Variants in ZFPM2 observed in about 807,000 individuals in gnomAD.
The protein encoded by ZFPM2 is zinc finger protein ZFPM2.
In ZFPM2, 20 loss-of-function variants were observed where a neutral mutation model predicts 98.6. That is an observed-to-expected ratio of 0.20 (90% confidence interval 0.14 to 0.29). The LOEUF (loss-of-function observed/expected upper bound fraction) is 0.29, where lower values mean the gene tolerates loss of function less well. ZFPM2 is among the 10% of genes least tolerant of loss of function. The pLI is 1.00. For missense variants in ZFPM2, 1,310 were observed against 1,388.6 expected (o/e 0.94, Z 0.90); for synonymous variants, 518 against 502.7 (o/e 1.03, Z -0.41).
intron 3 of ZFPM2, among the ~76,000 whole-genome samples, chr8:105,475,120 T>C (rs1812986641): frequency 6.6e-6 from 1 of 152,232 alleles, no homozygotes; most frequent in Non-Finnish European, 1.5e-5. Flanking sequence ...TGGTAACATA[T>C]AACTTAGAGG....
chr8:105,519,876 G>A (rs1814013482), intron 3 of ZFPM2, among the ~76,000 whole-genome samples: 1 of 151,574 alleles, frequency 6.6e-6, no homozygotes, highest in Admixed American at 6.6e-5. Flanking sequence ...TTAACCTATT[G>A]TCTTGCAATT....
chr8:105,503,015 A>G (rs2130478169), intron 3 of ZFPM2, among the ~76,000 whole-genome samples: 1 of 152,330 alleles, frequency 6.6e-6, no homozygotes, highest in Admixed American at 6.5e-5. Flanking sequence ...TTATACCAAA[A>G]GGAGAGAGTC....
intron 3 of ZFPM2, among the ~76,000 whole-genome samples, chr8:105,471,173 T>C (rs1388983119): frequency 6.6e-6 from 1 of 152,182 alleles, no homozygotes; most frequent in East Asian, 1.9e-4. Flanking sequence ...CATCTCTGAA[T>C]TTTCTTGGCA....
chr8:105,501,970 C>A (rs1344136991), intron 3 of ZFPM2, among the ~76,000 whole-genome samples: 8 of 152,024 alleles, frequency 5.3e-5, no homozygotes, highest in Admixed American at 2.6e-4. Context: ...TGATTAATCA[C>A]CATTTATGGA....
chr8:105,659,525 C>A (rs1271823543), intron 5 of ZFPM2, among the ~76,000 whole-genome samples: 2 of 152,138 alleles, frequency 1.3e-5, no homozygotes, highest in Admixed American at 1.3e-4. Context: ...TTGTTTTTAC[C>A]ATAAAAGTGA....
At chr8:105,765,846 CTT>C (rs1452272387) in intron 5 of ZFPM2, among the ~76,000 whole-genome samples, 4 of 151,874 alleles carry the variant, frequency 2.6e-5, no homozygotes, top group African/African-American at 9.7e-5. Flanking sequence ...CAAGTGGCCT[CTT>C]GTTTCTGAAA....
intron 1 of ZFPM2, among the ~76,000 whole-genome samples, chr8:105,321,330 C>T (rs1462081023): frequency 6.6e-6 from 1 of 152,108 alleles, no homozygotes; most frequent in African/African-American, 2.4e-5. Context: ...GCACCATTTT[C>T]TATTACAAAC....
At chr8:105,387,048 C>T (rs1378839454) in intron 1 of ZFPM2, 3 of 152,572 alleles carry the variant, frequency 2.0e-5, no homozygotes, top group Non-Finnish European at 4.4e-5. Flanking sequence ...TTTACAATCC[C>T]TTAGCTAGAC....
At chr8:105,734,634 G>A (rs1263023679) in intron 5 of ZFPM2, among the ~76,000 whole-genome samples, 1 of 151,892 alleles carries the variant, frequency 6.6e-6, no homozygotes, top group East Asian at 1.9e-4. Flanking sequence ...CTCCTATACT[G>A]TGGTTCTAAA....
chr8:105,339,287 G>T (rs1405132734), intron 1 of ZFPM2, among the ~76,000 whole-genome samples: 2 of 151,680 alleles, frequency 1.3e-5, no homozygotes, highest in Non-Finnish European at 2.9e-5. Context: ...TTTTTTGCTA[G>T]GGAGAATTCA....
At chr8:105,606,527 A>G (rs1187646376) in intron 4 of ZFPM2, among the ~76,000 whole-genome samples, 1 of 152,072 alleles carries the variant, frequency 6.6e-6, no homozygotes, top group Admixed American at 6.6e-5. Flanking sequence ...GGAGATATTA[A>G]TAGAACATAT....
At chr8:105,794,418 T>C (rs542487025) in intron 6 of ZFPM2, among the ~76,000 whole-genome samples, 146 of 152,326 alleles carry the variant, frequency 9.6e-4, no homozygotes, top group African/African-American at 3.4e-3. Context: ...TGAATGCTGC[T>C]GTCTCATCGT....
intron 5 of ZFPM2, among the ~76,000 whole-genome samples, chr8:105,692,155 G>C (rs1174388258): frequency 6.6e-6 from 1 of 152,134 alleles, no homozygotes; most frequent in Non-Finnish European, 1.5e-5. Flanking sequence ...TTTGGACCTG[G>C]TTTATAAGGT....
intron 5 of ZFPM2, among the ~76,000 whole-genome samples, chr8:105,667,624 G>T (rs1031239222): frequency 6.6e-6 from 1 of 152,106 alleles, no homozygotes; most frequent in African/African-American, 2.4e-5. Flanking sequence ...CTACACATCT[G>T]TGCAAGGCCA....
chr8:105,782,539 T>A (rs1813280670), intron 5 of ZFPM2: 1 of 152,172 alleles, frequency 6.6e-6, no homozygotes, highest in African/African-American at 2.4e-5. Flanking sequence ...AGTAACAGTT[T>A]TATCAATGAA....
intron 4 of ZFPM2, among the ~76,000 whole-genome samples, chr8:105,618,694 C>T (rs920416853): frequency 7.2e-5 from 11 of 152,136 alleles, no homozygotes; most frequent in African/African-American, 9.6e-5. Flanking sequence ...GACATAAATG[C>T]GTTTATTATA....
chr8:105,456,158 TTG>T (rs796737801), intron 3 of ZFPM2, among the ~76,000 whole-genome samples: 4 of 135,220 alleles, frequency 3.0e-5, no homozygotes, highest in African/African-American at 1.0e-4. Context: ...TTTTTTTTGT[TTG>T]TTTGTTTGTT....
At chr8:105,360,842 A>G (rs1393754033) in intron 1 of ZFPM2, among the ~76,000 whole-genome samples, 1 of 135,574 alleles carries the variant, frequency 7.4e-6, no homozygotes, top group Non-Finnish European at 1.6e-5. Context: ...CATGGTGTAT[A>G]TGTGCCACAT....
chr8:105,508,591 C>G (rs1813749061), intron 3 of ZFPM2, among the ~76,000 whole-genome samples: 1 of 152,058 alleles, frequency 6.6e-6, no homozygotes, highest in South Asian at 2.1e-4. Flanking sequence ...GTAAGGTAAT[C>G]CTATACACAG....
Sources: gnomAD v4.1 joint callset for allele counts (sites outside exome capture counted in the v4.1 genomes callset) on GRCh38, gnomAD v4.1.1 for gene constraint, MANE v1.5 for transcripts, NCBI Gene and HGNC (gene_info 2026-07-23, HGNC 2026-07-21) for gene names.